FAM174B: variants seen among roughly 807,000 people sequenced by gnomAD.
FAM174B encodes the protein membrane protein FAM174B.
Under a neutral mutation model 10.9 loss-of-function variants are expected in FAM174B, and 12 were observed. The observed-to-expected ratio is 1.10, with a 90% CI of 0.71 to 1.79. FAM174B has a LOEUF of 1.79. Among genes scored for constraint, FAM174B ranks in the 40% most tolerant of loss-of-function variants. The pLI, the probability that FAM174B is intolerant of heterozygous loss-of-function variation, is 0.00. For missense variants in FAM174B, 266 were observed against 233.3 expected (o/e 1.14, Z -0.91); for synonymous variants, 132 against 115.8 (o/e 1.14, Z -0.90).
intron 1 of FAM174B, among the ~76,000 whole-genome samples, chr15:92,634,988 T>C (rs917969724): frequency 5.3e-5 from 8 of 152,186 alleles, no homozygotes; most frequent in African/African-American, 1.9e-4. Flanking sequence ...CTTGTCCGCA[T>C]TTAGGCTGGA....
In FAM174B at chr15:92,630,338, T is replaced by C. The variant is rs201935124; in HGVS notation, c.352A>G (p.Lys118Glu). ...TACTTGCGTGTCTTCTTTAACCTCT[T>C]TCCCGACCTGCAGGAGAAGAAGCAC... ...CLLLRVFRSGKRLKKTRKYDI... is the reference protein window; with the variant it reads ...CLLLRVFRSGERLKKTRKYDI... The change falls in exon 2 of 3, where the codon AAG becomes GAG. Residue 118 changes from lysine (K) to glutamate (E), a missense_variant. Physicochemically the swap from Lys to Glu is moderately conservative, Grantham distance 56. Coordinates refer to ENST00000327355, the MANE Select transcript of FAM174B (RefSeq NM_207446.3). 1.9e-6 allele frequency: 3 copies of C among 1,611,494 alleles called. No homozygotes were observed. In the African/African-American group the frequency reaches 4.0e-5, roughly 21 times the overall value.
rs932877809 is a variant in FAM174B, at chr15:92,620,620, G to C, written c.477-1161C>G. Among the ~76,000 whole-genome samples, 4 of 152,112 alleles carry C rather than the reference G, an allele frequency of 2.6e-5. No individual in the cohort carries two copies. In the East Asian group the frequency reaches 5.8e-4, roughly 22 times the overall value. On this transcript the variant is annotated intron_variant, in intron 2 of 2. Coordinates refer to ENST00000327355, the MANE Select transcript of FAM174B (RefSeq NM_207446.3). Reference sequence around the variant, plus strand: ...ACTTGAGGTAAGGGGTTCGAGACCAGCCTGGCCAACAAGGTGAAAACCTGT... The same window carrying C: ...ACTTGAGGTAAGGGGTTCGAGACCACCCTGGCCAACAAGGTGAAAACCTGT...
chr15:92,630,476 T>C (rs1051230519), intron 1 of FAM174B, 131 bp from the exon 2 acceptor site: 18 of 841,898 alleles, frequency 2.1e-5, no homozygotes, highest in Non-Finnish European at 3.1e-5. Flanking sequence ...TGTCTGAGAG[T>C]GTGAGGATCT....
At chr15:92,636,075 T>A (rs1274026675) in intron 1 of FAM174B, among the ~76,000 whole-genome samples, 1 of 152,002 alleles carries the variant, frequency 6.6e-6, no homozygotes, top group Non-Finnish European at 1.5e-5. Context: ...GAAAATAGAG[T>A]GCATTCGAAG....
At chr15:92,624,307 A>C (rs931698776) in intron 2 of FAM174B, among the ~76,000 whole-genome samples, 17 of 152,206 alleles carry the variant, frequency 1.1e-4, no homozygotes, top group African/African-American at 3.9e-4. Context: ...AATGATGCCC[A>C]TTGTTTCTAT....
chr15:92,624,377 C>T (rs1213530929), intron 2 of FAM174B, among the ~76,000 whole-genome samples: 1 of 151,592 alleles, frequency 6.6e-6, no homozygotes, highest in East Asian at 2.0e-4. Context: ...CCTCAGAAGA[C>T]CACGAGGAAG....
At chr15:92,640,045 T>C (rs111732837) in intron 1 of FAM174B, among the ~76,000 whole-genome samples, 8 of 152,282 alleles carry the variant, frequency 5.3e-5, no homozygotes, top group African/African-American at 1.9e-4. Flanking sequence ...AGGATAAAGA[T>C]GGCATTTCAA....
At position 92,617,817 on chromosome 15, in the gene FAM174B, A is replaced by G; in HGVS notation, c.*1639T>C. On this transcript the variant is annotated 3_prime_UTR_variant, in exon 3 of 3. Coordinates refer to ENST00000327355, the MANE Select transcript of FAM174B (RefSeq NM_207446.3). ...GGCAAACAGATGGGGGAAAACAGAG[A>G]AGGAAAGTCAACAAAGAAGGTGAAA... 1 of 506,762 alleles carries G rather than the reference A, an allele frequency of 2.0e-6. No homozygotes were observed. The highest frequency in any genetic ancestry group is 3.5e-6 in the Non-Finnish European group (1 of 288,988). 31.4% of individuals were successfully genotyped at this position (506,762 alleles called of 1,614,324 possible).
chr15:92,642,899 C>A (rs285766), intron 1 of FAM174B, among the ~76,000 whole-genome samples: 1 of 152,048 alleles, frequency 6.6e-6, no homozygotes, highest in Non-Finnish European at 1.5e-5. Flanking sequence ...CCTGAAAACA[C>A]TGTACTAAAT....
intron 1 of FAM174B, among the ~76,000 whole-genome samples, chr15:92,646,899 T>C (rs1218601781): frequency 6.6e-6 from 1 of 152,252 alleles, no homozygotes; most frequent in South Asian, 2.1e-4. Flanking sequence ...ATGTATTTGA[T>C]ATCTCATGTC....
intron 1 of FAM174B, among the ~76,000 whole-genome samples, chr15:92,652,215 G>A (rs2050971115): frequency 6.6e-6 from 1 of 152,148 alleles, no homozygotes; most frequent in South Asian, 2.1e-4. Flanking sequence ...GAAGAAGTTC[G>A]GTGGCACTTG....
intron 1 of FAM174B, among the ~76,000 whole-genome samples, chr15:92,649,336 G>A (rs2050949331): frequency 6.6e-6 from 1 of 152,214 alleles, no homozygotes; most frequent in African/African-American, 2.4e-5. Context: ...TCAGGGAATT[G>A]AGTAGTCAAG....
chr15:92,632,008 A>G (rs2141955576), intron 1 of FAM174B, among the ~76,000 whole-genome samples: 1 of 149,554 alleles, frequency 6.7e-6, no homozygotes, highest in South Asian at 2.1e-4. Flanking sequence ...CCATTCCCTT[A>G]CAAACCAGGT....
chr15:92,630,360 G>A lies in FAM174B; in HGVS notation c.345-15C>T, dbSNP rs748584442. 3.7e-6 allele frequency: 6 copies of A among 1,601,658 alleles called. No individual in the cohort carries two copies. The East Asian group carries it at 1.3e-4, about 36-fold the overall frequency. On this transcript the variant is annotated splice_polypyrimidine_tract_variant and intron_variant, in intron 1 of 2. Transcript: ENST00000327355. ...TCTTTCCCGACCTGCAGGAGAAGAA[G>A]CACATTCATGAGAACACAGCTGGGA... is the stretch of plus-strand genomic sequence containing the variant.
chr15:92,628,781 C>A (rs922768103), intron 2 of FAM174B, among the ~76,000 whole-genome samples: 1 of 151,906 alleles, frequency 6.6e-6, no homozygotes, highest in African/African-American at 2.4e-5. Context: ...CAGTCATTTT[C>A]TCCAGACATG....
Position 92,644,769 on chromosome 15 carries a change from C to T in FAM174B, c.344+10547G>A, listed in dbSNP as rs146856860. ...TGACAAGTGGTGGACAATACTCTGT[C>T]TTCAAGTCAAAAAGGCACAAATAGC... On this transcript the variant is annotated intron_variant, in intron 1 of 2. Transcript: ENST00000327355. Among the ~76,000 whole-genome samples the T allele has an allele frequency of 5.3e-5, 8 of 152,362 alleles. No homozygotes were observed. In the East Asian group the frequency reaches 1.5e-3, roughly 29 times the overall value.
intron 2 of FAM174B, among the ~76,000 whole-genome samples, chr15:92,623,156 CAA>C (rs1009362237): frequency 1.4e-5 from 2 of 139,280 alleles, no homozygotes. Flanking sequence ...GACTCCATCT[CAA>C]AAAAAAAAAA....
At chr15:92,624,905 G>A (rs1045170702) in intron 2 of FAM174B, among the ~76,000 whole-genome samples, 1 of 152,214 alleles carries the variant, frequency 6.6e-6, no homozygotes, top group Non-Finnish European at 1.5e-5. Flanking sequence ...GTCTCTTCCT[G>A]GAGGACGCCT....
chr15:92,619,018 C>CTCGGAGGTCGCCGTAT lies in FAM174B; in HGVS notation c.*437_*438insATACGGCGACCTCCGA. On this transcript the variant is annotated 3_prime_UTR_variant, in exon 3 of 3. Transcript: ENST00000327355. ...ATCAGATGGGGTCCAATGTGTAGAT[C>CTCGGAGGTCGCCGTAT]CAGTAGAGAAGAATGTCGGAAATTC... 4 of 595,224 alleles carry CTCGGAGGTCGCCGTAT rather than the reference C, an allele frequency of 6.7e-6. No homozygotes were observed. Among genetic ancestry groups the CTCGGAGGTCGCCGTAT allele is most frequent in the South Asian group, 2.1e-5 (1 of 48,008 alleles). The allele number at this position is 595,224 out of a possible 1,614,324, so 36.9% of individuals were successfully genotyped here. A position where few individuals can be genotyped will look rare whatever the true frequency, so the allele number is the denominator to read the frequency against.
Sources: gnomAD v4.1 joint callset for allele counts (sites outside exome capture counted in the v4.1 genomes callset) on GRCh38, gnomAD v4.1.1 for gene constraint, MANE v1.5 for transcripts, NCBI Gene and HGNC (gene_info 2026-07-23, HGNC 2026-07-21) for gene names.